The following BICRA variants were observed in gnomAD, a reference collection of about 807,000 sequenced individuals.
The protein encoded by BICRA is BRD4 interacting chromatin remodeling complex associated protein.
A neutral mutation model predicts 96.9 loss-of-function variants in BICRA; 31 were observed. The observed-to-expected ratio is 0.32, with a 90% CI of 0.24 to 0.43. The LOEUF is 0.43. Among genes scored for constraint, BICRA ranks in the 20% least tolerant of loss-of-function variants. BICRA has a pLI of 1.00. For missense variants in BICRA, 2,283 were observed against 2,190.3 expected (o/e 1.04, Z -0.84); for synonymous variants, 1,350 against 1,071.8 (o/e 1.26, Z -5.07).
intron 1 of BICRA, among the ~76,000 whole-genome samples, chr19:47,642,903 A>G (rs1358521171): frequency 6.6e-6 from 1 of 152,198 alleles, no homozygotes. Context: ...AATTTCCCTG[A>G]TGACTAAAGA....
chr19:47,646,479 G>T (rs1972461575), intron 1 of BICRA, among the ~76,000 whole-genome samples: 2 of 152,148 alleles, frequency 1.3e-5, no homozygotes, highest in African/African-American at 4.8e-5. Context: ...GAAACACCAT[G>T]CTTAAGAACA....
chr19:47,680,219 C>T lies in BICRA; in HGVS notation c.1049C>T (p.Pro350Leu). ...GTGATCCTGCATCGCACACCCACGC[C>T]CATCCAGCCCAAGCCCGCGGGGGTG... is the stretch of plus-strand genomic sequence containing the variant. ...PNVILHRTPT[P>L]IQPKPAGVLP... is the part of the protein sequence containing the mutation. The change falls in exon 6 of 15, where the codon CCC becomes CTC. Residue 350 changes from proline to leucine, a missense_variant. Pro to Leu is a moderately conservative substitution (Grantham distance 98). Coordinates refer to ENST00000594866, the MANE Select transcript of BICRA (RefSeq NM_001394372.1). 6.4e-7 allele frequency: 1 copy of T among 1,559,212 alleles called. No individual in the cohort carries two copies. The highest frequency in any genetic ancestry group is 8.6e-7 in the Non-Finnish European group (1 of 1,161,326).
rs377456315 is a variant in BICRA at position 47,653,586 on chromosome 19, AT to A, written c.-107-16853del. ...CTCTCTGGGTTTGCCTATTCTGGAC[AT>A]TTTGCATAAATGGAATCATGGAATA... On this transcript the variant is annotated intron_variant, in intron 1 of 14. Transcript: ENST00000594866. 9.2e-5 allele frequency among the ~76,000 whole-genome samples: 14 copies of A among 152,208 alleles called. No individual in the cohort carries two copies. In the South Asian group the frequency reaches 2.9e-3, roughly 32 times the overall value.
chr19:47,680,455 GCCA>G lies in BICRA; in HGVS notation c.1294_1296del (p.Thr432del). The stretch of plus-strand genomic sequence containing the variant: ...AGCGAACGTCTTCAAGCAGCCACCG[GCCA>G]CCACCACCGGAGCGGCCCCGCCGCA... On this transcript the variant is annotated inframe_deletion, in exon 6 of 15. Coordinates refer to ENST00000594866, the MANE Select transcript of BICRA (RefSeq NM_001394372.1). 4 of 1,539,776 alleles carry G rather than the reference GCCA, an allele frequency of 2.6e-6. No homozygotes were observed. The highest frequency in any genetic ancestry group is 3.5e-6 in the Non-Finnish European group (4 of 1,146,036).
At chr19:47,683,160 C>T (rs762164935) in intron 7 of BICRA, among the ~76,000 whole-genome samples, 76 of 152,150 alleles carry the variant, frequency 5.0e-4, no homozygotes, top group Non-Finnish European at 1.0e-3. Flanking sequence ...AAGGAATTTG[C>T]TGGCTCTAAA....
intron 1 of BICRA, among the ~76,000 whole-genome samples, chr19:47,638,992 T>C (rs1972343022): frequency 6.6e-6 from 1 of 151,598 alleles, no homozygotes; most frequent in African/African-American, 2.4e-5. Flanking sequence ...GGCCTTTGTT[T>C]TTCCTTTTCA....
intron 7 of BICRA, among the ~76,000 whole-genome samples, chr19:47,692,971 G>C (rs1209178727): frequency 6.6e-6 from 1 of 152,230 alleles, no homozygotes; most frequent in African/African-American, 2.4e-5. Flanking sequence ...CACCAGCCTG[G>C]AGAGTCTGGA....
chr19:47,618,940 C>T (rs928081193), intron 1 of BICRA, among the ~76,000 whole-genome samples: 2 of 152,204 alleles, frequency 1.3e-5, no homozygotes, highest in Non-Finnish European at 2.9e-5. Flanking sequence ...CAGATGTCCA[C>T]AGCGCCTGCC....
intron 6 of BICRA, among the ~76,000 whole-genome samples, chr19:47,681,768 C>T (rs1333802245): frequency 2.0e-5 from 3 of 152,042 alleles, no homozygotes; most frequent in Non-Finnish European, 2.9e-5. Flanking sequence ...GGCAGGGCAA[C>T]GTGGAGCTGG....
chr19:47,637,825 C>T (rs565016556), intron 1 of BICRA, among the ~76,000 whole-genome samples: 94 of 152,286 alleles, frequency 6.2e-4, no homozygotes, highest in African/African-American at 2.1e-3. Flanking sequence ...GTGTCTTTCT[C>T]TCTGCGTCAT....
intron 1 of BICRA, among the ~76,000 whole-genome samples, chr19:47,630,064 A>G (rs1972198525): frequency 6.6e-6 from 1 of 151,990 alleles, no homozygotes; most frequent in African/African-American, 2.4e-5. Flanking sequence ...CATCATTCCA[A>G]ATAGAAACTC....
intron 1 of BICRA, among the ~76,000 whole-genome samples, chr19:47,668,904 G>T (rs1226184880): frequency 1.3e-5 from 2 of 149,948 alleles, no homozygotes; most frequent in Non-Finnish European, 3.0e-5. Context: ...TGGATCACTT[G>T]AAGTCAGGAA....
At position 47,682,002 on chromosome 19, in the gene BICRA, A is replaced by G; in HGVS notation, c.2133A>G (p.Ala711=). ...PQERSQQPLS[A]EGPHLSVPAS... ...AGAGGAGCCAGCAGCCCCTCTCCGC[A>G]GAGGGCCCCCACCTCTCCGTGCCTG... The change falls in exon 7 of 15, where the codon GCA becomes GCG. Residue 711 remains alanine (A), a synonymous_variant. Coordinates refer to ENST00000594866, the MANE Select transcript of BICRA (RefSeq NM_001394372.1). 6.4e-7 allele frequency: 1 copy of G among 1,571,582 alleles called. No individual in the cohort carries two copies.
At chr19:47,629,631 G>A (rs969328692) in intron 1 of BICRA, among the ~76,000 whole-genome samples, 2 of 152,050 alleles carry the variant, frequency 1.3e-5, no homozygotes, top group African/African-American at 2.4e-5. Flanking sequence ...ATGCTGCTTT[G>A]AACATGAGTG....
chr19:47,697,321 G>T (rs866215532), intron 11 of BICRA, among the ~76,000 whole-genome samples: 35 of 151,740 alleles, frequency 2.3e-4, no homozygotes, highest in Non-Finnish European at 4.4e-4. Context: ...TAAGTCCGGG[G>T]GGCAGAGGTT....
intron 2 of BICRA, among the ~76,000 whole-genome samples, chr19:47,671,522 G>A (rs1469131617): frequency 6.6e-6 from 1 of 152,068 alleles, no homozygotes; most frequent in Non-Finnish European, 1.5e-5. Context: ...GGGAGGAGAC[G>A]GGAGCAGAGG....
intron 1 of BICRA, among the ~76,000 whole-genome samples, chr19:47,639,319 A>ATTTTTTTTT (rs35509834): frequency 1.9e-5 from 1 of 52,378 alleles, no homozygotes; most frequent in Non-Finnish European, 3.2e-5. Flanking sequence ...CCCACCCTGC[A>ATTTTTTTTT]TTTTTTTTTT....
chr19:47,675,706 G>T lies in BICRA; in HGVS notation c.85-145G>T. The T allele has an allele frequency of 1.5e-6, 1 of 683,270 alleles. No homozygotes were observed. 42.3% of individuals were successfully genotyped at this position (683,270 alleles called of 1,614,324 possible). ...GCCCCTGCCTTTGGGGCCTCTTTTC[G>T]GAGGCGAGAGTTTCCCATACCCCCA... On this transcript the variant is annotated intron_variant, in intron 4 of 14. Coordinates refer to ENST00000594866, the MANE Select transcript of BICRA (RefSeq NM_001394372.1). This position sits in a 1 kb window ranked among gnomAD's most constrained non-coding sequence, Gnocchi z 4.7.
At chr19:47,641,210 G>A (rs575076611) in intron 1 of BICRA, among the ~76,000 whole-genome samples, 27 of 150,556 alleles carry the variant, frequency 1.8e-4, no homozygotes, top group Non-Finnish European at 3.1e-4. Context: ...ATCAGCCACC[G>A]CACCTGGCCA....
Sources: allele counts gnomAD v4.1 joint callset (sites outside exome capture counted in the v4.1 genomes callset), GRCh38; gene constraint gnomAD v4.1.1; non-coding constraint Gnocchi (gnomAD v3.1); transcripts MANE v1.5; gene names NCBI Gene and HGNC (gene_info 2026-07-23, HGNC 2026-07-21).